PDE11A: variants seen among roughly 807,000 people sequenced by gnomAD.
PDE11A encodes dual 3',5'-cyclic-AMP and -GMP phosphodiesterase 11A.
A neutral mutation model predicts 100.5 loss-of-function variants in PDE11A; 100 were observed. The ratio of observed to expected loss-of-function variants is 1.00; its 90% CI spans 0.85 to 1.18. The LOEUF (loss-of-function observed/expected upper bound fraction) is 1.18, where lower values mean the gene tolerates loss of function less well. PDE11A is among the 50% of genes most tolerant of loss of function. The pLI, the probability that PDE11A is intolerant of heterozygous loss-of-function variation, is 0.00. For synonymous variants in PDE11A, 381 were observed against 420.8 expected, an observed-to-expected ratio of 0.91 and a Z score of 1.16; for missense variants, 1,141 against 1,152.6, an observed-to-expected ratio of 0.99 and a Z score of 0.15.
chr2:177,804,621 C>G (rs534780996), intron 9 of PDE11A, among the ~76,000 whole-genome samples: 1 of 151,724 alleles, frequency 6.6e-6, no homozygotes, highest in African/African-American at 2.4e-5. Context: ...ATACCTGCAC[C>G]CATATATTTA....
chr2:177,742,433 G>C (rs1308922636), intron 10 of PDE11A, among the ~76,000 whole-genome samples: 1 of 152,042 alleles, frequency 6.6e-6, no homozygotes, highest in Non-Finnish European at 1.5e-5. Flanking sequence ...CTGTCACTTC[G>C]ATCTTCCCTT....
chr2:177,965,457 T>A (rs916223858), intron 2 of PDE11A, among the ~76,000 whole-genome samples: 3 of 152,198 alleles, frequency 2.0e-5, no homozygotes, highest in Non-Finnish European at 4.4e-5. Context: ...CGGAATAGTG[T>A]TTCCTAGGTT....
chr2:177,684,679 G>A (rs1292904342), intron 15 of PDE11A, among the ~76,000 whole-genome samples: 2 of 152,192 alleles, frequency 1.3e-5, no homozygotes, highest in African/African-American at 4.8e-5. Context: ...AATGGGATCT[G>A]CCTTGTAGGG....
chr2:177,667,928 C>G (rs528856612), intron 18 of PDE11A, among the ~76,000 whole-genome samples: 2 of 152,136 alleles, frequency 1.3e-5, no homozygotes, highest in Non-Finnish European at 2.9e-5. Context: ...GGACAGTTTT[C>G]CTCCTAAATA....
intron 14 of PDE11A, chr2:177,698,574 AAATT>A (rs2081152281): frequency 6.6e-6 from 1 of 152,150 alleles, no homozygotes; most frequent in Admixed American, 6.5e-5. Flanking sequence ...AGTGAGAGGT[AAATT>A]AATTATTTCA....
chr2:178,090,693 T>C (rs938292591), intron 2 of PDE11A, among the ~76,000 whole-genome samples: 1 of 152,198 alleles, frequency 6.6e-6, no homozygotes, highest in Admixed American at 6.5e-5. Context: ...CCAATTAGGA[T>C]AGGAGGTAGG....
rs1179606479 is a variant in PDE11A at position 177,978,932 on chromosome 2, C to T, written c.1071+35370G>A. Among the ~76,000 whole-genome samples the T allele has an allele frequency of 2.2e-4, 24 of 111,094 alleles. No individual in the cohort carries two copies. In the East Asian group the frequency reaches 4.7e-3, roughly 22 times the overall value. 72.9% of individuals were successfully genotyped at this position (111,094 alleles called of 152,430 possible). ...CACACTCTGGGGACTGTGGTGGGGT[C>T]GGGGGGAGGGGGGAGGGATAGCATT... On this transcript the variant is annotated intron_variant, in intron 2 of 19. Coordinates refer to ENST00000286063, the MANE Select transcript of PDE11A (RefSeq NM_016953.4).
chr2:178,048,213 C>A (rs1357908113), intron 1 of PDE11A, among the ~76,000 whole-genome samples: 2 of 151,990 alleles, frequency 1.3e-5, no homozygotes, highest in Non-Finnish European at 2.9e-5. Flanking sequence ...ATCAGAAGAA[C>A]CTTCTAACGG....
intron 4 of PDE11A, among the ~76,000 whole-genome samples, chr2:177,894,381 T>G (rs1316790175): frequency 6.6e-6 from 1 of 152,112 alleles, no homozygotes; most frequent in East Asian, 1.9e-4. Context: ...AGATTAATAT[T>G]TTTTTTCACC....
chr2:177,715,019 T>C (rs1482245944), intron 12 of PDE11A, among the ~76,000 whole-genome samples: 1 of 152,230 alleles, frequency 6.6e-6, no homozygotes, highest in South Asian at 2.1e-4. Flanking sequence ...AGCCCATGCC[T>C]TTCTTTTTCC....
chr2:177,933,578 G>A (rs1381900498), intron 2 of PDE11A, among the ~76,000 whole-genome samples: 2 of 152,120 alleles, frequency 1.3e-5, no homozygotes, highest in Non-Finnish European at 2.9e-5. Flanking sequence ...CTACTCCAGA[G>A]GCTGAGACAG....
rs189592240 is a variant in PDE11A, at chr2:177,767,937, C to T, written c.1788+1386G>A. ...ATGTTTTCCTCTGCAACAAATGGGC[C>T]CTGACTGCTGTGGTTTTAGTTGTTC... On this transcript the variant is annotated intron_variant, in intron 10 of 19. Coordinates refer to ENST00000286063, the MANE Select transcript of PDE11A (RefSeq NM_016953.4). 8.3e-4 allele frequency among the ~76,000 whole-genome samples: 127 copies of T among 152,162 alleles called. 1 individual carries two copies. Among genetic ancestry groups the T allele is most frequent in the Middle Eastern group, 3.4e-3 (1 of 294 alleles).
intron 2 of PDE11A, among the ~76,000 whole-genome samples, chr2:177,908,283 G>A (rs1162962922): frequency 2.0e-5 from 3 of 152,226 alleles, no homozygotes; most frequent in African/African-American, 7.2e-5. Context: ...TTCTGGTAGA[G>A]CAGGCAAAAC....
At chr2:178,038,674 T>C (rs2105847091) in intron 1 of PDE11A, among the ~76,000 whole-genome samples, 1 of 152,274 alleles carries the variant, frequency 6.6e-6, no homozygotes, top group South Asian at 2.1e-4. Context: ...AACATTTGCA[T>C]GGTCTATACT....
rs115946690 is a variant in PDE11A at position 177,677,972 on chromosome 2, T to C, written c.2424-2454A>G. ...TCTGTAGTTGTAAAACAATTTAAAA[T>C]GAACAAATTTTAATGTTAAAGATAT... On this transcript the variant is annotated intron_variant, in intron 16 of 19. Transcript: ENST00000286063. 1.8e-3 allele frequency: 268 copies of C among 152,306 alleles called. 3 individuals are homozygous for C. The highest frequency in any genetic ancestry group is 6.3e-3 in the African/African-American group (261 of 41,566). The allele number at this position is 152,306 out of a possible 1,614,324, so 9.4% of individuals were successfully genotyped here. A position where few individuals can be genotyped will look rare whatever the true frequency, so the allele number is the denominator to read the frequency against.
Position 177,630,948 on chromosome 2 carries a change from G to T in PDE11A, c.2647-1386C>A, listed in dbSNP as rs560103483. ...CTTTTAAACCATGAGGTTTTGGGGG[G>T]TTGTTTTAAAAATAATACCTTTTCT... On this transcript the variant is annotated intron_variant, in intron 19 of 19. Transcript: ENST00000286063. Among the ~76,000 whole-genome samples, 390 of 152,160 alleles carry T rather than the reference G, an allele frequency of 2.6e-3. 1 individual carries two copies. Among genetic ancestry groups the T allele is most frequent in the Middle Eastern group, 6.8e-3 (2 of 294 alleles).
chr2:177,953,214 TC>T (rs1574304349), intron 2 of PDE11A: 1 of 152,076 alleles, frequency 6.6e-6, no homozygotes, highest in East Asian at 1.9e-4. Flanking sequence ...AAATAAAAAT[TC>T]CAAGAATGAT....
At chr2:177,994,030 G>A (rs1222547077) in intron 2 of PDE11A, among the ~76,000 whole-genome samples, 1 of 147,370 alleles carries the variant, frequency 6.8e-6, no homozygotes, top group African/African-American at 2.5e-5. Context: ...CCCCCTCCCC[G>A]AGCGATTCTG....
At chr2:177,924,748 CT>C (rs1245728138) in intron 2 of PDE11A, among the ~76,000 whole-genome samples, 1 of 145,132 alleles carries the variant, frequency 6.9e-6, no homozygotes, top group African/African-American at 2.6e-5. Context: ...TTTTATTATA[CT>C]TTAAGTTTTA....
Sources: gnomAD v4.1 joint callset for allele counts (sites outside exome capture counted in the v4.1 genomes callset) on GRCh38, gnomAD v4.1.1 for gene constraint, MANE v1.5 for transcripts, NCBI Gene and HGNC (gene_info 2026-07-23, HGNC 2026-07-21) for gene names.